BARD1: variants seen among roughly 807,000 people sequenced by gnomAD.
BARD1 encodes the protein BRCA1-associated RING domain protein 1.
Under a neutral mutation model 77.0 loss-of-function variants are expected in BARD1, and 73 were observed. That is an observed-to-expected ratio of 0.95 (90% CI 0.79 to 1.15). The LOEUF (loss-of-function observed/expected upper bound fraction) is 1.15, where lower values mean the gene tolerates loss of function less well. Among genes scored for constraint, BARD1 ranks in the 50% most tolerant of loss-of-function variants. The pLI is 0.00. For synonymous variants in BARD1, 384 were observed against 338.0 expected (o/e 1.14, Z -1.49); for missense variants, 993 against 938.8 (o/e 1.06, Z -0.75).
At position 214,728,847 on chromosome 2, in the gene BARD1, T is replaced by G. The variant is rs786202805; in HGVS notation, c.2163A>C (p.Ala721=). The change falls in exon 11 of 11, where the codon GCA becomes GCC. Residue 721 remains alanine, a synonymous_variant. Transcript: ENST00000260947. ...GATCAGAATCGGGTCTCGCATGGTA[T>G]GCGACTGTATTGATGGTCTGAGTCA... ...SDVTQTINTV[A]YHARPDSDQR... is the part of the protein sequence containing the mutation. 4 of 1,614,224 alleles carry G rather than the reference T, an allele frequency of 2.5e-6. No individual in the cohort carries two copies. The highest frequency in any genetic ancestry group is 3.4e-6 in the Non-Finnish European group (4 of 1,180,042).
chr2:214,778,514 T>C (rs1694834606), intron 4 of BARD1, among the ~76,000 whole-genome samples: 1 of 152,182 alleles, frequency 6.6e-6, no homozygotes, highest in South Asian at 2.1e-4. Flanking sequence ...GAAGTAATCT[T>C]GAACGTATTA....
chr2:214,799,586 A>C (rs1695921133), intron 1 of BARD1, among the ~76,000 whole-genome samples: 1 of 152,080 alleles, frequency 6.6e-6, no homozygotes, highest in Non-Finnish European at 1.5e-5. Flanking sequence ...TCTTCCTAAA[A>C]TGTGCTACTC....
chr2:214,764,275 G>A (rs1694093857), intron 6 of BARD1, among the ~76,000 whole-genome samples: 1 of 152,162 alleles, frequency 6.6e-6, no homozygotes. Context: ...GCACTTGGCA[G>A]AACTAGGGAG....
At chr2:214,758,785 T>C (rs533497993) in intron 6 of BARD1, among the ~76,000 whole-genome samples, 1 of 152,208 alleles carries the variant, frequency 6.6e-6, no homozygotes, top group East Asian at 1.9e-4. Context: ...TTTAATATCC[T>C]TTTCCCCTCA....
chr2:214,809,336 T>C (rs1696445475), intron 1 of BARD1, 76 bp downstream of exon 1: 9 of 1,584,662 alleles, frequency 5.7e-6, no homozygotes, highest in Non-Finnish European at 4.3e-6. Context: ...AACGGAAGAT[T>C]TGAAAAGATT....
At chr2:214,739,748 A>T (rs1274155798) in intron 9 of BARD1, among the ~76,000 whole-genome samples, 1 of 152,112 alleles carries the variant, frequency 6.6e-6, no homozygotes, top group Non-Finnish European at 1.5e-5. Context: ...AATACTGTCG[A>T]CAGTCATTAA....
rs980390125 is a variant in BARD1, at chr2:214,741,667, T to C, written c.1903+3400A>G. Among the ~76,000 whole-genome samples, 11 of 152,250 alleles carry C rather than the reference T, an allele frequency of 7.2e-5. No individual in the cohort carries two copies. The East Asian group carries it at 2.1e-3, about 29-fold the overall frequency. Reference sequence around the variant, plus strand: ...TGTTGAAGGAGGGACTTTTCTTATCTATAGCTCCTATTTCTGTAAAATATA... The same window carrying C: ...TGTTGAAGGAGGGACTTTTCTTATCCATAGCTCCTATTTCTGTAAAATATA... On this transcript the variant is annotated intron_variant, in intron 9 of 10. Coordinates refer to ENST00000260947, the MANE Select transcript of BARD1 (RefSeq NM_000465.4).
chr2:214,751,141 A>C (rs1559393124), intron 7 of BARD1, among the ~76,000 whole-genome samples: 1 of 19,502 alleles, frequency 5.1e-5, no homozygotes, highest in Non-Finnish European at 1.3e-4. Flanking sequence ...ATATATATAT[A>C]TATATATATA....
At chr2:214,790,620 T>C (rs539883188) in intron 3 of BARD1, among the ~76,000 whole-genome samples, 1 of 152,336 alleles carries the variant, frequency 6.6e-6, no homozygotes, top group South Asian at 2.1e-4. Flanking sequence ...CAGTTTGTGA[T>C]ACTTTGTTAC....
rs928503527 is a variant in BARD1 at position 214,726,528 on chromosome 2, TA to T, written c.*2147del. ...CAAAATTAATTAAAAAGCATTATGT[TA>T]AAAAAGATAAGCTTTTGTTAGTTAA... On this transcript the variant is annotated 3_prime_UTR_variant, in exon 11 of 11. Coordinates refer to ENST00000260947, the MANE Select transcript of BARD1 (RefSeq NM_000465.4). The T allele has an allele frequency of 2.7e-5, 6 of 223,400 alleles. No individual in the cohort carries two copies. The highest frequency in any genetic ancestry group is 5.7e-5 in the Admixed American group (1 of 17,470). 13.8% of individuals were successfully genotyped at this position (223,400 alleles called of 1,614,324 possible).
At chr2:214,782,011 A>C (rs1469967760) in intron 3 of BARD1, among the ~76,000 whole-genome samples, 1 of 152,174 alleles carries the variant, frequency 6.6e-6, no homozygotes, top group Non-Finnish European at 1.5e-5. Context: ...ACACGGAAAA[A>C]GAAAGGTACA....
chr2:214,752,163 A>C (rs994416019), intron 7 of BARD1, among the ~76,000 whole-genome samples: 1 of 152,102 alleles, frequency 6.6e-6, no homozygotes, highest in Non-Finnish European at 1.5e-5. Flanking sequence ...TCTCTTTCCT[A>C]CCTCTCACCA....
chr2:214,795,192 G>A (rs1559439882), intron 2 of BARD1, among the ~76,000 whole-genome samples: 1 of 152,160 alleles, frequency 6.6e-6, no homozygotes, highest in African/African-American at 2.4e-5. Context: ...TCCATGGGAG[G>A]CGTTTTGGAG....
chr2:214,729,711 T>C (rs1692265283), intron 10 of BARD1, among the ~76,000 whole-genome samples: 1 of 152,208 alleles, frequency 6.6e-6, no homozygotes, highest in African/African-American at 2.4e-5. Context: ...CCACAACTCC[T>C]AGCTTATTTG....
chr2:214,772,384 A>C (rs539152947), intron 4 of BARD1, among the ~76,000 whole-genome samples: 1 of 152,150 alleles, frequency 6.6e-6, no homozygotes. Flanking sequence ...CCTATCTTTA[A>C]CATGAAAGTA....
intron 6 of BARD1, among the ~76,000 whole-genome samples, chr2:214,762,483 C>A (rs1211927161): frequency 6.6e-6 from 1 of 152,060 alleles, no homozygotes; most frequent in Non-Finnish European, 1.5e-5. Context: ...TAACAGAATG[C>A]TTAAACAAAT....
chr2:214,781,744 T>A (rs1380276747), intron 3 of BARD1, among the ~76,000 whole-genome samples: 2 of 152,078 alleles, frequency 1.3e-5, no homozygotes, highest in Non-Finnish European at 2.9e-5. Context: ...GAACAAAACA[T>A]GAAACTTATA....
chr2:214,801,103 T>C (rs1695996828), intron 1 of BARD1, among the ~76,000 whole-genome samples: 1 of 152,230 alleles, frequency 6.6e-6, no homozygotes, highest in African/African-American at 2.4e-5. Context: ...CAAAGAATGT[T>C]TTCATTAATA....
At chr2:214,775,643 A>C (rs563566076) in intron 4 of BARD1, among the ~76,000 whole-genome samples, 1 of 152,338 alleles carries the variant, frequency 6.6e-6, no homozygotes, top group South Asian at 2.1e-4. Flanking sequence ...ATTGCCAAAA[A>C]ACACAAAAAC....
Sources: allele counts gnomAD v4.1 joint callset (sites outside exome capture counted in the v4.1 genomes callset), GRCh38; gene constraint gnomAD v4.1.1; transcripts MANE v1.5; gene names NCBI Gene and HGNC (gene_info 2026-07-23, HGNC 2026-07-21).